The following NLRP1 variants were observed in gnomAD, a reference collection of about 807,000 sequenced individuals.
NLRP1 encodes NLR family pyrin domain containing 1, also known as NACHT, LRR and PYD domains-containing protein 1.
In NLRP1, 94 loss-of-function variants were observed where a neutral mutation model predicts 136.7. The ratio of observed to expected loss-of-function variants is 0.69; its 90% CI spans 0.58 to 0.82. The LOEUF (loss-of-function observed/expected upper bound fraction) is 0.82. Among genes scored for constraint, NLRP1 ranks in the 40% least tolerant of loss-of-function variants. NLRP1 has a pLI of 0.00. For synonymous variants in NLRP1, 690 were observed against 725.1 expected, an observed-to-expected ratio of 0.95 and a Z score of 0.78; for missense variants, 1,575 against 1,802.7, an observed-to-expected ratio of 0.87 and a Z score of 2.29.
At chr17:5,535,093 A>G (rs12450050) in intron 8 of NLRP1, among the ~76,000 whole-genome samples, 86,374 of 151,866 alleles carry the variant, frequency 0.57, 24,883 homozygotes, top group African/African-American at 0.64. Context: ...GGTGGCATGC[A>G]CCTGTAGTCC....
chr17:5,536,113 A>T (rs1263754939), intron 8 of NLRP1, among the ~76,000 whole-genome samples: 1 of 151,736 alleles, frequency 6.6e-6, no homozygotes, highest in Non-Finnish European at 1.5e-5. Flanking sequence ...GGTCCAGGGG[A>T]TTCGCTGGCT....
At chr17:5,582,616 C>T in intron 2 of NLRP1, 54 bp downstream of exon 2, 1 of 1,557,644 alleles carries the variant, frequency 6.4e-7, no homozygotes, top group Non-Finnish European at 8.8e-7. Context: ...GTGGGGCCCA[C>T]CAGCTGATTC....
chr17:5,521,793 A>G lies in NLRP1; in HGVS notation c.3521-7T>C. The G allele has an allele frequency of 6.3e-7, 1 of 1,583,556 alleles. No homozygotes were observed. The highest frequency in any genetic ancestry group is 8.6e-7 in the Non-Finnish European group (1 of 1,165,366). ...GATGTGTCCACATGGCCCCCTGTAAAAGAATGGATTGAAGAGGCACAGGTT... is the reference window on the plus strand; with the variant it reads ...GATGTGTCCACATGGCCCCCTGTAAGAGAATGGATTGAAGAGGCACAGGTT... On this transcript the variant is annotated splice_region_variant and splice_polypyrimidine_tract_variant and intron_variant, in intron 12 of 16. Transcript: ENST00000572272.
chr17:5,558,284 C>T, intron 4 of NLRP1, 55 bp downstream of exon 4: 1 of 1,535,596 alleles, frequency 6.5e-7, no homozygotes, highest in East Asian at 2.3e-5. Context: ...GCTCAGGTCA[C>T]TCGGGCTTAT....
At position 5,517,836 on chromosome 17, in the gene NLRP1, A is replaced by G. The variant is rs772159137; in HGVS notation, c.3967T>C (p.Phe1323Leu). The change falls in exon 15 of 17, where the codon TTC becomes CTC. Residue 1323 changes from phenylalanine (F) to leucine (L), a missense_variant. Physicochemically the swap from Phe to Leu is conservative, Grantham distance 22 (BLOSUM62 0). Transcript: ENST00000572272. The stretch of plus-strand genomic sequence containing the variant: ...CCTGATCCCAAGTGGCCAACGTAGA[A>G]CTCCGAGAACAGCTGGTCTTCTCCA... Reference protein sequence around the residue: ...SPGEDQLFSEFYVGHLGSGIR... With the variant: ...SPGEDQLFSELYVGHLGSGIR... The G allele has an allele frequency of 6.2e-7, 1 of 1,614,018 alleles. No individual in the cohort carries two copies. Among genetic ancestry groups the G allele is most frequent in the Non-Finnish European group, 8.5e-7 (1 of 1,180,008 alleles).
chr17:5,542,515 G>A (rs1203908889), intron 5 of NLRP1, among the ~76,000 whole-genome samples: 3 of 152,108 alleles, frequency 2.0e-5, no homozygotes, highest in Non-Finnish European at 4.4e-5. Context: ...TCTTTGCTCA[G>A]AAGGAAGTCG....
At position 5,514,708 on chromosome 17, in the gene NLRP1, G is replaced by A. The variant is rs745774343; in HGVS notation, c.*46C>T. ...GAAAGAAACTGAGACCCAAAGAAGGGTCAGCCAAAGCCAGGACTCAAGGGT... is the reference window on the plus strand; with the variant it reads ...GAAAGAAACTGAGACCCAAAGAAGGATCAGCCAAAGCCAGGACTCAAGGGT... On this transcript the variant is annotated 3_prime_UTR_variant, in exon 17 of 17. Transcript: ENST00000572272. 2.4e-5 allele frequency: 38 copies of A among 1,599,092 alleles called. No homozygotes were observed. The East Asian group carries it at 8.1e-4, about 34-fold the overall frequency.
chr17:5,521,693 A>G lies in NLRP1; in HGVS notation c.3614T>C (p.Ile1205Thr). ...EKPARVELHH[I>T]VLENPSFSPL... ...GGAGAAGCTGGGGTTTTCCAGAACT[A>G]TGTGATGCAGCTCCACCCTGGCTGG... The change falls in exon 13 of 17, where the codon ATA (isoleucine) becomes ACA (threonine). Residue 1205 changes from isoleucine to threonine, a missense_variant. Physicochemically the swap from Ile to Thr is moderately conservative, Grantham distance 89. Coordinates refer to ENST00000572272, the MANE Select transcript of NLRP1 (RefSeq NM_033004.4). 6.2e-7 allele frequency: 1 copy of G among 1,613,714 alleles called. No individual in the cohort carries two copies. Among genetic ancestry groups the G allele is most frequent in the East Asian group, 2.2e-5 (1 of 44,880 alleles).
Position 5,583,547 on chromosome 17 carries a change from C to T in NLRP1, c.271+140G>A. On this transcript the variant is annotated intron_variant, in intron 1 of 16. Transcript: ENST00000572272. The surrounding 1 kb of genome is among the most constrained non-coding windows in gnomAD (Gnocchi z 4.5). ...TCCAGCATAGTCTGGGGCCTGGATCCCCCTTTGAGAGGGCAGTTCCATGTC... is the reference window on the plus strand; with the variant it reads ...TCCAGCATAGTCTGGGGCCTGGATCTCCCTTTGAGAGGGCAGTTCCATGTC... The T allele has an allele frequency of 1.1e-6, 1 of 893,522 alleles. No individual in the cohort carries two copies. Among genetic ancestry groups the T allele is most frequent in the South Asian group, 1.8e-5 (1 of 56,126 alleles). 55.3% of individuals were successfully genotyped at this position (893,522 alleles called of 1,614,324 possible).
chr17:5,517,720 G>A (rs1225495305), intron 15 of NLRP1, 26 bp downstream of exon 15: 5 of 1,613,586 alleles, frequency 3.1e-6, no homozygotes, highest in Middle Eastern at 3.3e-4. Flanking sequence ...CCACCTCTGA[G>A]TTCTCTGGAA....
At chr17:5,572,568 G>C (rs1348791515) in intron 3 of NLRP1, among the ~76,000 whole-genome samples, 1 of 152,008 alleles carries the variant, frequency 6.6e-6, no homozygotes, top group Non-Finnish European at 1.5e-5. Context: ...AAATTAGCTG[G>C]GCGTAGTGGT....
chr17:5,555,698 C>T (rs1487584364), intron 4 of NLRP1, among the ~76,000 whole-genome samples: 1 of 152,140 alleles, frequency 6.6e-6, no homozygotes, highest in African/African-American at 2.4e-5. Context: ...CTAGAAGCAG[C>T]TTAAAATGGC....
intron 15 of NLRP1, among the ~76,000 whole-genome samples, chr17:5,507,717 G>C (rs1031825790): frequency 2.6e-5 from 4 of 152,240 alleles, no homozygotes; most frequent in Non-Finnish European, 5.9e-5. Context: ...CCAGTTACTG[G>C]AAACTCAGGA....
At chr17:5,568,438 T>G (rs112500785) in intron 3 of NLRP1, among the ~76,000 whole-genome samples, 3,547 of 152,286 alleles carry the variant, frequency 0.023, 143 homozygotes, top group African/African-American at 0.082. Flanking sequence ...TTTATTACAT[T>G]TATCTGCTAG....
At chr17:5,568,626 C>T (rs1307383025) in intron 3 of NLRP1, among the ~76,000 whole-genome samples, 1 of 152,106 alleles carries the variant, frequency 6.6e-6, no homozygotes, top group Admixed American at 6.6e-5. Context: ...TCTTCAGTGT[C>T]TGGGCATTGA....
chr17:5,519,481 T>C (rs1597395456), intron 14 of NLRP1, among the ~76,000 whole-genome samples: 2 of 150,374 alleles, frequency 1.3e-5, no homozygotes, highest in South Asian at 2.1e-4. Context: ...GTTTTGCTCT[T>C]GTAGCCCACA....
At position 5,559,506 on chromosome 17, in the gene NLRP1, T is replaced by A. The variant is rs200397188; in HGVS notation, c.1190A>T (p.Gln397Leu). The stretch of plus-strand genomic sequence containing the variant: ...CAGCCGCTCTGGCCTAGACAGGATC[T>A]GTCTAATGGGAGCCGGAGTGGCTGT... The part of the protein sequence containing the change: ...DGTATPAPIR[Q>L]ILSRPERLLF... The change falls in exon 4 of 17, where the codon CAG (glutamine) becomes CTG (leucine). Residue 397 changes from glutamine to leucine, a missense_variant. Transcript: ENST00000572272. The A allele has an allele frequency of 1.9e-6, 3 of 1,614,078 alleles. No homozygotes were observed. Among genetic ancestry groups the A allele is most frequent in the Non-Finnish European group, 2.5e-6 (3 of 1,180,034 alleles).
chr17:5,544,894 G>A (rs1912369379), intron 5 of NLRP1, among the ~76,000 whole-genome samples: 1 of 152,104 alleles, frequency 6.6e-6, no homozygotes, highest in Non-Finnish European at 1.5e-5. Context: ...TGGGTCTGGA[G>A]CTGCAGATGC....
Position 5,583,655 on chromosome 17 carries a change from C to T in NLRP1, c.271+32G>A, listed in dbSNP as rs773710854. ...GGCAGGCATGAGGGCCAGGGGATGTCCCGCGGGCAGTGGGGTCCTCTGTCC... is the reference window on the plus strand; with the variant it reads ...GGCAGGCATGAGGGCCAGGGGATGTTCCGCGGGCAGTGGGGTCCTCTGTCC... On this transcript the variant is annotated intron_variant, in intron 1 of 16. Coordinates refer to ENST00000572272, the MANE Select transcript of NLRP1 (RefSeq NM_033004.4). This position sits in a 1 kb window ranked among gnomAD's most constrained non-coding sequence, Gnocchi z 4.5. 5 of 1,541,828 alleles carry T rather than the reference C, an allele frequency of 3.2e-6. No homozygotes were observed. In the Admixed American group the frequency reaches 5.9e-5, roughly 18 times the overall value.
Sources: allele counts gnomAD v4.1 joint callset (sites outside exome capture counted in the v4.1 genomes callset), GRCh38; gene constraint gnomAD v4.1.1; non-coding constraint Gnocchi (gnomAD v3.1); transcripts MANE v1.5; gene names NCBI Gene and HGNC (gene_info 2026-07-23, HGNC 2026-07-21).